Variants in GLIS3 observed in about 807,000 individuals in gnomAD.
The protein encoded by GLIS3 is GLIS family zinc finger 3.
GLIS3 carries 53 observed loss-of-function variants against 78.6 expected under a neutral mutation model. That is an observed-to-expected ratio of 0.67 (90% CI 0.54 to 0.85). The LOEUF (loss-of-function observed/expected upper bound fraction) is 0.85, where lower values mean the gene tolerates loss of function less well. Among genes scored for constraint, GLIS3 ranks in the 40% least tolerant of loss-of-function variants. The probability of loss-of-function intolerance (pLI) is 0.00; values close to 1 mark genes in which losing one functional copy is unlikely to be tolerated. For missense variants in GLIS3, 1,703 were observed against 1,231.1 expected, an observed-to-expected ratio of 1.38 and a Z score of -5.74; for synonymous variants, 684 against 509.9, an observed-to-expected ratio of 1.34 and a Z score of -4.60.
chr9:4,282,404 G>T (rs891126386), intron 2 of GLIS3, among the ~76,000 whole-genome samples: 9 of 152,170 alleles, frequency 5.9e-5, no homozygotes, highest in African/African-American at 2.2e-4. Flanking sequence ...TAATGTGGGT[G>T]GTTCTCAGCC....
At chr9:3,919,636 G>C (rs1013757858) in intron 6 of GLIS3, among the ~76,000 whole-genome samples, 3 of 144,722 alleles carry the variant, frequency 2.1e-5, no homozygotes, top group Non-Finnish European at 4.5e-5. Flanking sequence ...ACTTAAAGTA[G>C]AAGTTAAAAA....
chr9:4,427,813 T>G, the GLIS3 span, among the ~76,000 whole-genome samples: 3 of 151,554 alleles, frequency 2.0e-5, no homozygotes, highest in African/African-American at 7.3e-5. Flanking sequence ...GAGCCAAGAT[T>G]GTGCCACTGC....
intron 2 of GLIS3, among the ~76,000 whole-genome samples, chr9:4,333,947 C>T (rs1365427231): frequency 2.0e-5 from 3 of 152,176 alleles, no homozygotes; most frequent in Non-Finnish European, 4.4e-5. Context: ...AATGGTGCCA[C>T]CTTGTCTGCT....
chr9:4,372,998 G>C, the GLIS3 span, among the ~76,000 whole-genome samples: 384 of 152,306 alleles, frequency 2.5e-3, 2 homozygotes, highest in African/African-American at 8.9e-3. Flanking sequence ...CTGCACAGAA[G>C]TTTGCAGAAA....
chr9:4,186,760 C>CT (rs1817836984), intron 2 of GLIS3, among the ~76,000 whole-genome samples: 1 of 152,142 alleles, frequency 6.6e-6, no homozygotes, highest in African/African-American at 2.4e-5. Flanking sequence ...TGATGATGAG[C>CT]TTTTTTTCAT....
rs547866326 is a variant in GLIS3, at chr9:4,199,014, A to C, written c.389-73073T>G. Among the ~76,000 whole-genome samples the C allele has an allele frequency of 1.2e-4, 19 of 152,368 alleles. No homozygotes were observed. The South Asian group carries it at 3.7e-3, about 30-fold the overall frequency. ...AATCTTTTCCAAACAAGCAAGCCCTAAGGGAATTCACCACCACTGGACCAA... is the reference window on the plus strand; with the variant it reads ...AATCTTTTCCAAACAAGCAAGCCCTCAGGGAATTCACCACCACTGGACCAA... On this transcript the variant is annotated intron_variant, in intron 2 of 10. Coordinates refer to ENST00000381971, the MANE Select transcript of GLIS3 (RefSeq NM_001042413.2).
chr9:4,322,596 T>C (rs919652953), intron 2 of GLIS3, among the ~76,000 whole-genome samples: 8 of 152,186 alleles, frequency 5.3e-5, no homozygotes, highest in African/African-American at 1.9e-4. Context: ...TTTTAATGAT[T>C]GCCATTCTAA....
intron 4 of GLIS3, among the ~76,000 whole-genome samples, chr9:3,991,708 T>TG (rs1820262650): frequency 1.2e-5 from 1 of 80,250 alleles, no homozygotes; most frequent in Non-Finnish European, 2.8e-5. Context: ...TTTTTTTTTT[T>TG]GAGACGGAGT....
chr9:4,313,344 C>T (rs1044627418), intron 2 of GLIS3, among the ~76,000 whole-genome samples: 2 of 152,176 alleles, frequency 1.3e-5, no homozygotes, highest in African/African-American at 2.4e-5. Context: ...CCTCTTCAGC[C>T]ATTCTGCTCA....
chr9:4,336,822 A>G (rs548696710), intron 2 of GLIS3, among the ~76,000 whole-genome samples: 2 of 152,328 alleles, frequency 1.3e-5, no homozygotes, highest in Non-Finnish European at 2.9e-5. Context: ...TAATTACACT[A>G]CAGATCTGCT....
chr9:4,278,217 A>G (rs1483063783), intron 2 of GLIS3, among the ~76,000 whole-genome samples: 4 of 152,310 alleles, frequency 2.6e-5, no homozygotes, highest in East Asian at 1.9e-4. Flanking sequence ...TTTCTCTAAT[A>G]TATTTCCTAA....
At chr9:3,907,054 G>C (rs1351584764) in intron 6 of GLIS3, among the ~76,000 whole-genome samples, 6 of 152,040 alleles carry the variant, frequency 3.9e-5, no homozygotes, top group Non-Finnish European at 8.8e-5. Context: ...AAGAACTGCA[G>C]AATCCACTTT....
At chr9:3,882,447 T>C (rs764495204) in intron 7 of GLIS3, among the ~76,000 whole-genome samples, 15 of 152,046 alleles carry the variant, frequency 9.9e-5, no homozygotes, top group Non-Finnish European at 1.8e-4. Context: ...ATGGTGCAGT[T>C]GAGGAGAGGT....
intron 4 of GLIS3, among the ~76,000 whole-genome samples, chr9:3,966,663 G>A (rs759099025): frequency 1.3e-4 from 20 of 151,256 alleles, no homozygotes; most frequent in African/African-American, 1.7e-4. Flanking sequence ...GCATGGTGGC[G>A]CACGCCTGCA....
the GLIS3 span, among the ~76,000 whole-genome samples, chr9:4,463,301 T>C: frequency 2.0e-5 from 3 of 152,224 alleles, no homozygotes; most frequent in Non-Finnish European, 4.4e-5. Flanking sequence ...AAGAAAGGAA[T>C]TAAGCTGATA....
chr9:4,392,627 C>A, the GLIS3 span, among the ~76,000 whole-genome samples: 1 of 152,082 alleles, frequency 6.6e-6, no homozygotes, highest in Non-Finnish European at 1.5e-5. Context: ...TTAATGTTTT[C>A]TTTTTTCTCC....
intron 2 of GLIS3, among the ~76,000 whole-genome samples, chr9:4,165,235 G>T (rs1377284307): frequency 6.6e-6 from 1 of 152,178 alleles, no homozygotes; most frequent in Admixed American, 6.5e-5. Context: ...AAGGTCAGGA[G>T]TTCGAGACCA....
chr9:3,828,562 C>A (rs554127163), intron 10 of GLIS3, among the ~76,000 whole-genome samples, 154 bp from the exon 11 acceptor site: 1 of 152,174 alleles, frequency 6.6e-6, no homozygotes, highest in African/African-American at 2.4e-5. Context: ...CTGTTTCCAG[C>A]GACCTTAGTG....
intron 2 of GLIS3, among the ~76,000 whole-genome samples, chr9:4,148,640 G>C (rs1389959726): frequency 6.6e-6 from 1 of 151,982 alleles, no homozygotes; most frequent in African/African-American, 2.4e-5. Context: ...CAGAATATTA[G>C]GCCTCAGCTT....
Sources: allele counts gnomAD v4.1 joint callset (sites outside exome capture counted in the v4.1 genomes callset), GRCh38; gene constraint gnomAD v4.1.1; transcripts MANE v1.5; gene names NCBI Gene and HGNC (gene_info 2026-07-23, HGNC 2026-07-21).